The following RSU1 variants were observed in gnomAD, a reference collection of about 807,000 sequenced individuals.
RSU1 encodes rsu-1.
Under a neutral mutation model 31.1 loss-of-function variants are expected in RSU1, and 26 were observed. The ratio of observed to expected loss-of-function variants is 0.84; its 90% CI spans 0.61 to 1.16. The LOEUF (loss-of-function observed/expected upper bound fraction) is 1.16. RSU1 is among the 50% of genes most tolerant of loss of function. RSU1 has a pLI of 0.00. For synonymous variants in RSU1, 164 were observed against 136.3 expected (o/e 1.20, Z -1.41); for missense variants, 320 against 339.1 (o/e 0.94, Z 0.44).
chr10:16,774,467 G>A (rs1564352575), intron 3 of RSU1, among the ~76,000 whole-genome samples: 1 of 152,274 alleles, frequency 6.6e-6, no homozygotes, highest in East Asian at 1.9e-4. Flanking sequence ...CTACTAGGGA[G>A]GCTGAGGCAG....
chr10:16,733,159 T>C (rs1836549148), intron 7 of RSU1, among the ~76,000 whole-genome samples: 1 of 151,888 alleles, frequency 6.6e-6, no homozygotes, highest in Non-Finnish European at 1.5e-5. Context: ...CTGGTCAATT[T>C]AAGGCACTGA....
intron 2 of RSU1, among the ~76,000 whole-genome samples, chr10:16,811,640 CTTCT>C (rs1838411789): frequency 6.6e-6 from 1 of 152,230 alleles, no homozygotes; most frequent in Non-Finnish European, 1.5e-5. Context: ...GGCTACACCT[CTTCT>C]TTGTTTCAAT....
intron 8 of RSU1, among the ~76,000 whole-genome samples, chr10:16,650,867 C>A (rs1311814222): frequency 1.3e-5 from 2 of 152,102 alleles, no homozygotes; most frequent in Admixed American, 1.3e-4. Flanking sequence ...AGGCGTGAGC[C>A]ACTGCACCTG....
rs1838510258 is a variant in RSU1, at chr10:16,815,508, T to C, written c.109+1465A>G. Among the ~76,000 whole-genome samples the C allele has an allele frequency of 3.3e-5, 5 of 152,292 alleles. No individual in the cohort carries two copies. The South Asian group carries it at 1.0e-3, about 32-fold the overall frequency. ...CTTCTCTCTTGTCACATCCTGGAGT[T>C]GATATCCCAAACTCACAGGCCTAAT... On this transcript the variant is annotated intron_variant, in intron 2 of 8. Coordinates refer to ENST00000345264, the MANE Select transcript of RSU1 (RefSeq NM_012425.4).
chr10:16,749,547 A>C (rs2131617309), intron 7 of RSU1, among the ~76,000 whole-genome samples: 1 of 152,308 alleles, frequency 6.6e-6, no homozygotes, highest in East Asian at 1.9e-4. Flanking sequence ...CTTCATATGC[A>C]TCACCAGTGC....
At chr10:16,657,490 T>G (rs1335171309) in intron 8 of RSU1, among the ~76,000 whole-genome samples, 1 of 151,828 alleles carries the variant, frequency 6.6e-6, no homozygotes, top group African/African-American at 2.4e-5. Flanking sequence ...GATTTTTTTT[T>G]TTCATTTTTA....
intron 8 of RSU1, among the ~76,000 whole-genome samples, chr10:16,690,729 C>A (rs1022928251): frequency 6.6e-6 from 1 of 152,120 alleles, no homozygotes; most frequent in Non-Finnish European, 1.5e-5. Context: ...TCACTGTGAA[C>A]GCCGATCATA....
At chr10:16,670,158 T>C (rs1189609900) in intron 8 of RSU1, among the ~76,000 whole-genome samples, 2 of 152,214 alleles carry the variant, frequency 1.3e-5, no homozygotes, top group African/African-American at 4.8e-5. Context: ...TCCCATTGCT[T>C]ATGCTGGAGA....
chr10:16,634,609 G>T (rs891378960), intron 8 of RSU1, among the ~76,000 whole-genome samples: 26 of 152,060 alleles, frequency 1.7e-4, no homozygotes, highest in Admixed American at 1.6e-3. Flanking sequence ...TTCTTACTGT[G>T]TCCAGTATAT....
chr10:16,683,109 G>A (rs1835362755), intron 8 of RSU1, among the ~76,000 whole-genome samples: 1 of 150,664 alleles, frequency 6.6e-6, no homozygotes, highest in Admixed American at 6.6e-5. Flanking sequence ...GTGCATTTCT[G>A]GAGAATAACA....
intron 8 of RSU1, among the ~76,000 whole-genome samples, chr10:16,680,118 G>A (rs1292477416): frequency 2.0e-5 from 3 of 152,062 alleles, no homozygotes; most frequent in African/African-American, 7.2e-5. Flanking sequence ...CTAACCTCAA[G>A]TGATCTGCCT....
At chr10:16,748,518 C>A (rs1401570766) in intron 7 of RSU1, 5 of 152,262 alleles carry the variant, frequency 3.3e-5, no homozygotes, top group Non-Finnish European at 5.9e-5. Context: ...TATAAGGTAA[C>A]AAATTCTCAC....
At chr10:16,772,216 A>G (rs1051886754) in intron 3 of RSU1, among the ~76,000 whole-genome samples, 4 of 152,272 alleles carry the variant, frequency 2.6e-5, no homozygotes, top group Non-Finnish European at 1.5e-5. Context: ...TTTAGAGGAT[A>G]AAGCCAAACA....
intron 2 of RSU1, among the ~76,000 whole-genome samples, chr10:16,808,116 G>A (rs1399311941): frequency 6.6e-6 from 1 of 151,812 alleles, no homozygotes; most frequent in Non-Finnish European, 1.5e-5. Context: ...GCCTGGCCCT[G>A]GTGAGCCCTT....
intron 7 of RSU1, among the ~76,000 whole-genome samples, chr10:16,707,779 A>G (rs1447452073): frequency 2.6e-5 from 4 of 152,100 alleles, no homozygotes; most frequent in Non-Finnish European, 5.9e-5. Flanking sequence ...GTCTTGTTTA[A>G]AAAACCCTTC....
intron 8 of RSU1, among the ~76,000 whole-genome samples, chr10:16,671,052 C>G (rs1360924451): frequency 6.6e-6 from 1 of 152,140 alleles, no homozygotes; most frequent in Non-Finnish European, 1.5e-5. Flanking sequence ...AGGCATGAGC[C>G]ACCACACCCA....
chr10:16,687,808 C>T (rs1176644347), intron 8 of RSU1, among the ~76,000 whole-genome samples: 3 of 152,094 alleles, frequency 2.0e-5, no homozygotes, highest in Non-Finnish European at 4.4e-5. Flanking sequence ...CAACCTTGAC[C>T]TTCTGGGCTC....
intron 2 of RSU1, among the ~76,000 whole-genome samples, chr10:16,802,106 G>C (rs56767050): frequency 0.32 from 48,027 of 151,222 alleles, 9,898 homozygotes; most frequent in African/African-American, 0.6. Context: ...ATACTTAAAA[G>C]GGGAAATAAT....
intron 8 of RSU1, among the ~76,000 whole-genome samples, chr10:16,593,900 T>C (rs553407484): frequency 6.6e-6 from 1 of 152,334 alleles, no homozygotes; most frequent in Admixed American, 6.5e-5. Context: ...GGCTGGCTAA[T>C]GGGACAGAGA....
Sources: allele counts gnomAD v4.1 joint callset (sites outside exome capture counted in the v4.1 genomes callset), GRCh38; gene constraint gnomAD v4.1.1; transcripts MANE v1.5; gene names NCBI Gene and HGNC (gene_info 2026-07-23, HGNC 2026-07-21).